PIK3C2G: variants seen among roughly 807,000 people sequenced by gnomAD.
The protein encoded by PIK3C2G is phosphatidylinositol 3-kinase C2 domain-containing subunit gamma.
PIK3C2G carries 168 observed loss-of-function variants against 181.1 expected under a neutral mutation model. The observed-to-expected ratio is 0.93, with a 90% CI of 0.82 to 1.05. The LOEUF is 1.05. PIK3C2G is among the 50% of genes least tolerant of loss of function. PIK3C2G has a pLI of 0.00. For synonymous variants in PIK3C2G, 573 were observed against 592.2 expected, an observed-to-expected ratio of 0.97 and a Z score of 0.47; for missense variants, 1,869 against 1,732.8, an observed-to-expected ratio of 1.08 and a Z score of -1.40.
intron 18 of PIK3C2G, among the ~76,000 whole-genome samples, chr12:18,470,571 T>C (rs1938362403): frequency 1.3e-5 from 2 of 152,170 alleles, no homozygotes; most frequent in Non-Finnish European, 2.9e-5. Flanking sequence ...AACAATTCAA[T>C]TTTTGTAGCT....
intron 13 of PIK3C2G, chr12:18,372,537 T>C (rs1942140715): frequency 6.6e-6 from 1 of 152,198 alleles, no homozygotes; most frequent in Non-Finnish European, 1.5e-5. Context: ...TCTTTCTCAC[T>C]AGGAGCAGCT....
chr12:18,462,666 A>AAAG (rs1249563937), intron 18 of PIK3C2G, among the ~76,000 whole-genome samples: 2 of 152,172 alleles, frequency 1.3e-5, no homozygotes, highest in Non-Finnish European at 2.9e-5. Flanking sequence ...AGAGAATCTA[A>AAAG]AAGTTAGGGC....
At position 18,390,298 on chromosome 12, in the gene PIK3C2G, A is replaced by G. The variant is rs575060444; in HGVS notation, c.1996-824A>G. On this transcript the variant is annotated intron_variant, in intron 14 of 32. Transcript: ENST00000538779. ...TCAATTTTTTCTGAGATTCCAACCTAACATAACTCAGCAGAGAAAAATAAT... is the reference window on the plus strand; with the variant it reads ...TCAATTTTTTCTGAGATTCCAACCTGACATAACTCAGCAGAGAAAAATAAT... Among the ~76,000 whole-genome samples, 16 of 152,250 alleles carry G rather than the reference A, an allele frequency of 1.1e-4. No homozygotes were observed. In the South Asian group the frequency reaches 2.9e-3, roughly 28 times the overall value.
chr12:18,299,728 G>A (rs1275720815), intron 5 of PIK3C2G, among the ~76,000 whole-genome samples: 2 of 151,746 alleles, frequency 1.3e-5, no homozygotes, highest in African/African-American at 4.8e-5. Flanking sequence ...AGTTTGTTGA[G>A]CGTTTTTATT....
chr12:18,489,015 G>A (rs150797592), intron 19 of PIK3C2G, among the ~76,000 whole-genome samples: 86 of 152,142 alleles, frequency 5.7e-4, no homozygotes, highest in African/African-American at 1.7e-3. Context: ...CATTTTTCAC[G>A]TAACAAATAA....
At chr12:18,300,028 G>A (rs371098548) in intron 5 of PIK3C2G, among the ~76,000 whole-genome samples, 8 of 151,872 alleles carry the variant, frequency 5.3e-5, no homozygotes, top group African/African-American at 1.7e-4. Context: ...TTAGTATCAG[G>A]GTAATGCTGG....
In PIK3C2G at chr12:18,648,126, A is replaced by ATG; in HGVS notation, c.*98_*99insTG. On this transcript the variant is annotated 3_prime_UTR_variant, in exon 33 of 33. Transcript: ENST00000538779. ...AAGTAAGGCATCTTTGTTGTCAAAGACAGCACAGGGTATTAAGGACACAGA... is the reference window on the plus strand; with the variant it reads ...AAGTAAGGCATCTTTGTTGTCAAAGATGCAGCACAGGGTATTAAGGACACAGA... The ATG allele has an allele frequency of 3.1e-6, 2 of 653,424 alleles. No homozygotes were observed. Among genetic ancestry groups the ATG allele is most frequent in the Non-Finnish European group, 4.9e-6 (2 of 410,126 alleles). 40.5% of individuals were successfully genotyped at this position (653,424 alleles called of 1,614,324 possible). A position where few individuals can be genotyped will look rare whatever the true frequency, so the allele number is the denominator to read the frequency against.
At chr12:18,613,380 C>T (rs1288116018) in intron 31 of PIK3C2G, among the ~76,000 whole-genome samples, 1 of 151,958 alleles carries the variant, frequency 6.6e-6, no homozygotes. Context: ...TACCTTCAAT[C>T]CTTTCATAAG....
chr12:18,391,197 C>G lies in PIK3C2G; in HGVS notation c.2071C>G (p.Leu691Val), dbSNP rs779719810. The G allele has an allele frequency of 6.2e-7, 1 of 1,608,878 alleles. No homozygotes were observed. The change falls in exon 15 of 33, where the codon CTA becomes GTA. Residue 691 changes from leucine to valine, a missense_variant. Leu to Val is a conservative substitution (Grantham distance 32, BLOSUM62 1). Coordinates refer to ENST00000538779, the MANE Select transcript of PIK3C2G (RefSeq NM_001288772.2). ...EENRSNLEEPLKECIKHIARL... is the reference protein window; with the variant it reads ...EENRSNLEEPVKECIKHIARL... ...GAATAGAAGTAATCTTGAAGAGCCACTAAAGGAGTGTATAAAACATATTGC... is the reference window on the plus strand; with the variant it reads ...GAATAGAAGTAATCTTGAAGAGCCAGTAAAGGAGTGTATAAAACATATTGC...
At chr12:18,303,113 TC>T in intron 5 of PIK3C2G, among the ~76,000 whole-genome samples, 2 of 89,226 alleles carry the variant, frequency 2.2e-5, no homozygotes, top group South Asian at 6.5e-4. Context: ...TTTCTTTCTT[TC>T]CTTCTTTCTT....
the PIK3C2G span, among the ~76,000 whole-genome samples, chr12:18,697,671 C>G: frequency 2.6e-5 from 4 of 152,130 alleles, no homozygotes; most frequent in Non-Finnish European, 2.9e-5. Context: ...TCACATATAT[C>G]TTCCCATTCT....
chr12:18,281,394 C>T (rs1466208573), intron 1 of PIK3C2G, among the ~76,000 whole-genome samples: 2 of 151,588 alleles, frequency 1.3e-5, no homozygotes, highest in African/African-American at 4.8e-5. Flanking sequence ...GTATCAAATC[C>T]TGTGAAGAGA....
At chr12:18,516,026 G>A (rs754972983) in intron 24 of PIK3C2G, among the ~76,000 whole-genome samples, 2 of 151,768 alleles carry the variant, frequency 1.3e-5, no homozygotes, top group Non-Finnish European at 2.9e-5. Flanking sequence ...ATAGTATTAC[G>A]TTATTCTGAC....
intron 11 of PIK3C2G, chr12:18,358,935 A>G (rs1032927939): frequency 1.2e-5 from 2 of 160,688 alleles, no homozygotes. Context: ...AGACCAGCTC[A>G]ACTGCCACTG....
intron 15 of PIK3C2G, among the ~76,000 whole-genome samples, chr12:18,399,261 T>TA (rs534592611): frequency 7.0e-5 from 10 of 141,906 alleles, no homozygotes; most frequent in African/African-American, 1.8e-4. Context: ...TTATAAAAAA[T>TA]AAAAAAAATA....
intron 31 of PIK3C2G, among the ~76,000 whole-genome samples, chr12:18,638,951 CAAAAAAAA>C (rs779064940): frequency 1.2e-4 from 12 of 97,604 alleles, no homozygotes; most frequent in East Asian, 3.2e-4. Flanking sequence ...CTCTTCTCAC[CAAAAAAAA>C]AAAAAAAAAA....
chr12:18,345,288 G>A (rs964908009), intron 10 of PIK3C2G, among the ~76,000 whole-genome samples: 19 of 151,998 alleles, frequency 1.3e-4, no homozygotes, highest in Middle Eastern at 3.2e-3. Flanking sequence ...TTACTCTTCC[G>A]CTTCATTAAT....
chr12:18,380,114 G>A (rs888902169), intron 13 of PIK3C2G, among the ~76,000 whole-genome samples: 9 of 152,236 alleles, frequency 5.9e-5, no homozygotes, highest in Admixed American at 5.2e-4. Context: ...TCAACATTAT[G>A]TTTTGCTCAC....
intron 18 of PIK3C2G, among the ~76,000 whole-genome samples, chr12:18,436,507 C>T (rs1421481712): frequency 1.3e-5 from 2 of 151,934 alleles, no homozygotes; most frequent in Non-Finnish European, 2.9e-5. Flanking sequence ...TAGACAAACC[C>T]TATGTTTCTC....
Sources: gnomAD v4.1 joint callset for allele counts (sites outside exome capture counted in the v4.1 genomes callset) on GRCh38, gnomAD v4.1.1 for gene constraint, MANE v1.5 for transcripts, NCBI Gene and HGNC (gene_info 2026-07-23, HGNC 2026-07-21) for gene names.